The following CDH4 variants were observed in gnomAD, a reference collection of about 807,000 sequenced individuals.
CDH4 encodes the protein cadherin 4.
In CDH4, 33 loss-of-function variants were observed where a neutral mutation model predicts 86.0. The ratio of observed to expected loss-of-function variants is 0.38; its 90% confidence interval spans 0.29 to 0.51. The LOEUF is 0.51. CDH4 is among the 20% of genes least tolerant of loss of function. CDH4 has a pLI of 0.86. For missense variants in CDH4, 1,114 were observed against 1,307.4 expected (o/e 0.85, Z 2.28); for synonymous variants, 555 against 549.4 (o/e 1.01, Z -0.14).
At chr20:61,906,081 C>A (rs1490987151) in intron 8 of CDH4, among the ~76,000 whole-genome samples, 6 of 152,206 alleles carry the variant, frequency 3.9e-5, no homozygotes, top group Admixed American at 2.6e-4. Flanking sequence ...CCAGGCCAGA[C>A]GCAGGGGCCG....
intron 4 of CDH4, among the ~76,000 whole-genome samples, chr20:61,819,148 T>C (rs902543089): frequency 3.9e-5 from 6 of 152,174 alleles, no homozygotes; most frequent in African/African-American, 1.4e-4. Context: ...GGTCTTTGTA[T>C]CTGCAAGGAT....
intron 2 of CDH4, among the ~76,000 whole-genome samples, chr20:61,574,568 A>G (rs1156671777): frequency 6.8e-6 from 1 of 147,372 alleles, no homozygotes; most frequent in Non-Finnish European, 1.5e-5. Context: ...AATTACAGAG[A>G]AAAAAAATGG....
intron 2 of CDH4, among the ~76,000 whole-genome samples, chr20:61,565,404 G>A (rs57857397): frequency 5.6e-5 from 1 of 17,762 alleles, no homozygotes; most frequent in Admixed American, 6.3e-4. Context: ...GATGGTGGTG[G>A]CGGTGCTCTT....
intron 2 of CDH4, among the ~76,000 whole-genome samples, chr20:61,455,025 T>C (rs962803192): frequency 6.6e-6 from 1 of 152,208 alleles, no homozygotes; most frequent in African/African-American, 2.4e-5. Context: ...CAGTGGTTTC[T>C]AGTTTATTCA....
chr20:61,299,038 A>G (rs2084372193), intron 2 of CDH4, among the ~76,000 whole-genome samples: 1 of 152,092 alleles, frequency 6.6e-6, no homozygotes, highest in South Asian at 2.1e-4. Context: ...CTGAATCCCA[A>G]CTCCAGAACC....
chr20:61,848,515 TTATTG>T (rs139603252), intron 5 of CDH4, among the ~76,000 whole-genome samples: 9 of 150,786 alleles, frequency 6.0e-5, no homozygotes, highest in Non-Finnish European at 8.9e-5. Context: ...AGGACTTTTT[TTATTG>T]TATTGTATTG....
chr20:61,436,330 C>A (rs2085282091), intron 2 of CDH4, among the ~76,000 whole-genome samples: 1 of 152,144 alleles, frequency 6.6e-6, no homozygotes, highest in Non-Finnish European at 1.5e-5. Context: ...CAGCTCAGAC[C>A]CCACAGGTTA....
At chr20:61,913,999 C>T (rs547389204) in intron 9 of CDH4, among the ~76,000 whole-genome samples, 3 of 152,146 alleles carry the variant, frequency 2.0e-5, no homozygotes, top group Non-Finnish European at 2.9e-5. Context: ...TGGGGTTTCC[C>T]GAAGCATGTC....
rs188651121 is a variant in CDH4, at chr20:61,530,119, G to A, written c.170-213444G>A. ...ATGATCTCAACTCACTACAACCTCC[G>A]CCTCCCAGGTTCAAGCGATTCTCCT... On this transcript the variant is annotated intron_variant, in intron 2 of 15. Transcript: ENST00000614565. Among the ~76,000 whole-genome samples the A allele has an allele frequency of 6.8e-4, 104 of 152,124 alleles. 1 individual carries two copies. The highest frequency in any genetic ancestry group is 2.3e-3 in the African/African-American group (97 of 41,488).
chr20:61,714,147 C>T (rs539962356), intron 2 of CDH4, among the ~76,000 whole-genome samples: 26 of 151,964 alleles, frequency 1.7e-4, no homozygotes, highest in African/African-American at 3.6e-4. Flanking sequence ...CCCAGGTTCA[C>T]GCCATTCTCC....
intron 2 of CDH4, among the ~76,000 whole-genome samples, chr20:61,407,058 C>G: frequency 6.6e-6 from 1 of 152,192 alleles, no homozygotes; most frequent in Non-Finnish European, 1.5e-5. Flanking sequence ...GGACCACCAT[C>G]TGCTCTGCCT....
chr20:61,498,216 A>G (rs903188384), intron 2 of CDH4, among the ~76,000 whole-genome samples: 33 of 152,194 alleles, frequency 2.2e-4, no homozygotes, highest in Non-Finnish European at 4.4e-4. Flanking sequence ...TAATAAAAAA[A>G]AAAGGCCACA....
chr20:61,891,759 C>T (rs1159912326), intron 7 of CDH4, among the ~76,000 whole-genome samples: 1 of 152,222 alleles, frequency 6.6e-6, no homozygotes, highest in Non-Finnish European at 1.5e-5. Context: ...TGATTGGCTG[C>T]CGTGTTCCCA....
chr20:61,799,529 C>G (rs1979721455), intron 4 of CDH4, among the ~76,000 whole-genome samples: 1 of 152,214 alleles, frequency 6.6e-6, no homozygotes, highest in Non-Finnish European at 1.5e-5. Context: ...GGGTTGGCAT[C>G]ACCCTTTGTG....
intron 4 of CDH4, among the ~76,000 whole-genome samples, chr20:61,841,917 A>G (rs1349543523): frequency 1.3e-5 from 2 of 152,162 alleles, no homozygotes; most frequent in African/African-American, 2.4e-5. Context: ...GCTTTTTTCT[A>G]TTACGACATG....
At chr20:61,534,193 A>G (rs1023052891) in intron 2 of CDH4, among the ~76,000 whole-genome samples, 1 of 152,180 alleles carries the variant, frequency 6.6e-6, no homozygotes, top group African/African-American at 2.4e-5. Flanking sequence ...GTAAAATTCT[A>G]TTTGCACTCT....
chr20:61,278,765 C>A (rs2084243251), intron 2 of CDH4, among the ~76,000 whole-genome samples: 1 of 152,198 alleles, frequency 6.6e-6, no homozygotes, highest in Admixed American at 6.5e-5. Context: ...GCTGGCTCCC[C>A]CTCCCCAGTC....
chr20:61,830,191 T>C (rs1981531268), intron 4 of CDH4, among the ~76,000 whole-genome samples: 1 of 145,798 alleles, frequency 6.9e-6, no homozygotes, highest in Non-Finnish European at 1.5e-5. Context: ...GCATGCCTCC[T>C]GTTCTCACTA....
intron 2 of CDH4, among the ~76,000 whole-genome samples, chr20:61,371,806 T>TGC (rs2145434843): frequency 6.6e-6 from 1 of 152,342 alleles, no homozygotes; most frequent in East Asian, 1.9e-4. Context: ...AGTGTGCTGG[T>TGC]GCACATCTTG....
Sources: allele counts gnomAD v4.1 joint callset (sites outside exome capture counted in the v4.1 genomes callset), GRCh38; gene constraint gnomAD v4.1.1; transcripts MANE v1.5; gene names NCBI Gene and HGNC (gene_info 2026-07-23, HGNC 2026-07-21).